GADL1: variants seen among roughly 807,000 people sequenced by gnomAD.
GADL1 encodes the protein acidic amino acid decarboxylase GADL1.
Under a neutral mutation model 69.5 loss-of-function variants are expected in GADL1, and 71 were observed. That is an observed-to-expected ratio of 1.02 (90% CI 0.84 to 1.25). GADL1 has a LOEUF of 1.25. Among genes scored for constraint, GADL1 ranks in the 50% most tolerant of loss-of-function variants. The pLI is 0.00. For synonymous variants in GADL1, 254 were observed against 214.4 expected (o/e 1.18, Z -1.62); for missense variants, 737 against 631.8 (o/e 1.17, Z -1.79).
intron 13 of GADL1, among the ~76,000 whole-genome samples, chr3:30,782,856 T>A (rs1696696881): frequency 6.6e-6 from 1 of 152,182 alleles, no homozygotes; most frequent in Non-Finnish European, 1.5e-5. Context: ...TAACATACAA[T>A]GCTACAGAAT....
At chr3:30,889,432 C>T (rs1698756508) in intron 1 of GADL1, among the ~76,000 whole-genome samples, 1 of 152,160 alleles carries the variant, frequency 6.6e-6, no homozygotes, top group South Asian at 2.1e-4. Context: ...ACACCTCAAG[C>T]ACACGTGCAA....
intron 6 of GADL1, among the ~76,000 whole-genome samples, chr3:30,848,668 TC>T (rs1409073014): frequency 2.6e-5 from 4 of 152,038 alleles, no homozygotes; most frequent in African/African-American, 9.7e-5. Context: ...AGGGAAAAAA[TC>T]TCTTCCAATA....
rs966503900 is a variant in GADL1, at chr3:30,857,121, A to G, written c.231T>C (p.Pro77=). ...VNEKVCEWRP[P]EQLKQLLDLE... Reference sequence around the variant, plus strand: ...AATCAAGAAGCTGTTTCAGTTGTTCAGGAGGCCTCCATTCACACACCTGGA... The same window carrying G: ...AATCAAGAAGCTGTTTCAGTTGTTCGGGAGGCCTCCATTCACACACCTGGA... The change falls in exon 3 of 15, where the codon CCT becomes CCC. Residue 77 remains proline (P), a synonymous_variant. Transcript: ENST00000282538. 3.3e-5 allele frequency: 51 copies of G among 1,550,084 alleles called. No individual in the cohort carries two copies. Among genetic ancestry groups the G allele is most frequent in the Non-Finnish European group, 4.1e-5 (47 of 1,145,850 alleles).
At chr3:30,737,888 C>T (rs1695561715) in intron 14 of GADL1, among the ~76,000 whole-genome samples, 3 of 152,058 alleles carry the variant, frequency 2.0e-5, no homozygotes, top group Admixed American at 2.0e-4. Context: ...TTTAGAAACC[C>T]CAAAAGCCAG....
intron 14 of GADL1, among the ~76,000 whole-genome samples, chr3:30,766,721 GAGC>G (rs902251582): frequency 6.6e-6 from 1 of 152,138 alleles, no homozygotes; most frequent in African/African-American, 2.4e-5. Flanking sequence ...AGACAGGAGA[GAGC>G]AGGTGGCTCA....
At chr3:30,825,840 G>C (rs371400428) in intron 11 of GADL1, among the ~76,000 whole-genome samples, 8 of 151,944 alleles carry the variant, frequency 5.3e-5, no homozygotes, top group African/African-American at 1.9e-4. Flanking sequence ...TTAAAACCTA[G>C]ATGATGGGTT....
intron 13 of GADL1, among the ~76,000 whole-genome samples, chr3:30,781,156 C>G (rs1211815077): frequency 2.0e-5 from 3 of 151,894 alleles, no homozygotes. Context: ...AACTCTGGAG[C>G]AGCAAGTGCA....
chr3:30,746,374 G>T (rs888658773), intron 14 of GADL1, among the ~76,000 whole-genome samples: 1 of 152,142 alleles, frequency 6.6e-6, no homozygotes, highest in African/African-American at 2.4e-5. Context: ...TCTCTAAGAA[G>T]TTGTTTCTAG....
intron 2 of GADL1, among the ~76,000 whole-genome samples, chr3:30,858,797 A>G (rs1575237558): frequency 6.6e-6 from 1 of 152,158 alleles, no homozygotes; most frequent in Non-Finnish European, 1.5e-5. Flanking sequence ...GATGTGGCTC[A>G]GAGAGAACCT....
intron 13 of GADL1, 52 bp downstream of exon 13, chr3:30,786,303 C>CT: frequency 1.8e-6 from 2 of 1,102,958 alleles, no homozygotes; most frequent in South Asian, 1.3e-5. Context: ...AAATTACCAC[C>CT]TTCATCACTG....
At chr3:30,816,246 AAGAGTTG>A (rs1397884814) in intron 11 of GADL1, among the ~76,000 whole-genome samples, 3 of 152,068 alleles carry the variant, frequency 2.0e-5, no homozygotes, top group Non-Finnish European at 4.4e-5. Flanking sequence ...GGCCCCCTGG[AAGAGTTG>A]AGGCTTGAGC....
intron 14 of GADL1, among the ~76,000 whole-genome samples, chr3:30,755,371 T>TA (rs889731596): frequency 9.7e-6 from 1 of 103,416 alleles, no homozygotes; most frequent in Non-Finnish European, 2.0e-5. Context: ...ATACTATTAC[T>TA]AAAAAACTTG....
chr3:30,768,855 G>T (rs896675921), intron 14 of GADL1, among the ~76,000 whole-genome samples: 2 of 152,122 alleles, frequency 1.3e-5, no homozygotes, highest in East Asian at 3.9e-4. Flanking sequence ...TGTTCACTCC[G>T]CATTTAGTGT....
chr3:30,765,218 A>C (rs1696241852), intron 14 of GADL1, among the ~76,000 whole-genome samples: 1 of 152,148 alleles, frequency 6.6e-6, no homozygotes, highest in African/African-American at 2.4e-5. Flanking sequence ...CGAATTCCCC[A>C]CATGGATCAC....
At chr3:30,744,907 G>A (rs1695679061) in intron 14 of GADL1, among the ~76,000 whole-genome samples, 1 of 152,156 alleles carries the variant, frequency 6.6e-6, no homozygotes, top group South Asian at 2.1e-4. Flanking sequence ...GCTGACCCTT[G>A]TTGTAGAATA....
chr3:30,843,732 AG>A (rs1308065627), intron 8 of GADL1, among the ~76,000 whole-genome samples: 3 of 152,204 alleles, frequency 2.0e-5, no homozygotes, highest in Non-Finnish European at 4.4e-5. Context: ...AGGGGTTGAT[AG>A]TAATAGATGG....
chr3:30,853,778 G>A (rs370081496), intron 4 of GADL1, among the ~76,000 whole-genome samples: 11 of 151,794 alleles, frequency 7.2e-5, no homozygotes, highest in African/African-American at 1.9e-4. Flanking sequence ...ATTCTTTCCC[G>A]CTCTATTCCT....
chr3:30,811,647 T>C (rs1697357620), intron 11 of GADL1, among the ~76,000 whole-genome samples: 1 of 152,212 alleles, frequency 6.6e-6, no homozygotes, highest in African/African-American at 2.4e-5. Context: ...TATTACCACA[T>C]GGAGTGCATA....
intron 13 of GADL1, among the ~76,000 whole-genome samples, chr3:30,782,792 A>T (rs1696695046): frequency 6.6e-6 from 1 of 152,204 alleles, no homozygotes; most frequent in Non-Finnish European, 1.5e-5. Context: ...TTGGGAAAGG[A>T]AATCAAAGAA....
Sources: gnomAD v4.1 joint callset for allele counts (sites outside exome capture counted in the v4.1 genomes callset) on GRCh38, gnomAD v4.1.1 for gene constraint, MANE v1.5 for transcripts, NCBI Gene and HGNC (gene_info 2026-07-23, HGNC 2026-07-21) for gene names.